Variants in KAT2B observed in about 807,000 individuals in gnomAD.
KAT2B encodes the protein histone acetyltransferase KAT2B.
KAT2B carries 36 observed loss-of-function variants against 105.9 expected under a neutral mutation model. The ratio of observed to expected loss-of-function variants is 0.34; its 90% CI spans 0.26 to 0.45. The LOEUF (loss-of-function observed/expected upper bound fraction) is 0.45, where lower values mean the gene tolerates loss of function less well. Ranked by LOEUF, KAT2B falls within the 20% of genes least tolerant of loss-of-function variation. KAT2B has a pLI of 1.00. For missense variants in KAT2B, 820 were observed against 1,021.6 expected, an observed-to-expected ratio of 0.80 and a Z score of 2.69; for synonymous variants, 397 against 377.9, an observed-to-expected ratio of 1.05 and a Z score of -0.59.
intron 7 of KAT2B, among the ~76,000 whole-genome samples, chr3:20,118,067 TTCTC>T (rs1699236029): frequency 6.6e-6 from 1 of 150,982 alleles, no homozygotes; most frequent in African/African-American, 2.4e-5. Flanking sequence ...TTATTACCCT[TTCTC>T]TATCCCTTCT....
At chr3:20,057,710 T>G (rs1219662713) in intron 1 of KAT2B, among the ~76,000 whole-genome samples, 1 of 152,142 alleles carries the variant, frequency 6.6e-6, no homozygotes, top group African/African-American at 2.4e-5. Flanking sequence ...TCCTGAGGCC[T>G]TTTCAGGGGT....
intron 2 of KAT2B, among the ~76,000 whole-genome samples, chr3:20,082,137 T>C (rs1698531286): frequency 6.6e-6 from 1 of 152,020 alleles, no homozygotes; most frequent in African/African-American, 2.4e-5. Context: ...TGGGTTCAAA[T>C]GATTCTCATG....
intron 1 of KAT2B, among the ~76,000 whole-genome samples, chr3:20,067,625 A>G (rs549448713): frequency 4.8e-4 from 73 of 152,288 alleles, no homozygotes; most frequent in Middle Eastern, 6.8e-3. Context: ...AAGCAAGCCC[A>G]TAGGAAGAAA....
chr3:20,108,871 C>T (rs1699070342), intron 5 of KAT2B, among the ~76,000 whole-genome samples: 2 of 152,178 alleles, frequency 1.3e-5, no homozygotes, highest in Non-Finnish European at 2.9e-5. Context: ...GCTGTACATT[C>T]TTTCTGAGAG....
chr3:20,088,388 G>T (rs1423519920), intron 2 of KAT2B, among the ~76,000 whole-genome samples: 1 of 152,102 alleles, frequency 6.6e-6, no homozygotes, highest in Admixed American at 6.5e-5. Context: ...GTGTGCAAGG[G>T]TTCCTTGTCC....
chr3:20,149,670 C>T (rs1699838731), intron 17 of KAT2B, among the ~76,000 whole-genome samples: 2 of 151,936 alleles, frequency 1.3e-5, no homozygotes, highest in Non-Finnish European at 2.9e-5. Flanking sequence ...GTAGCCTACA[C>T]CCTTTAAAGT....
At chr3:20,140,564 C>G (rs1312508106) in intron 13 of KAT2B, among the ~76,000 whole-genome samples, 200 bp downstream of exon 13, 1 of 152,188 alleles carries the variant, frequency 6.6e-6, no homozygotes, top group African/African-American at 2.4e-5. Context: ...GGCACTATCT[C>G]ACTGTAACCT....
intron 11 of KAT2B, among the ~76,000 whole-genome samples, chr3:20,127,858 G>A (rs1484141212): frequency 2.6e-5 from 4 of 152,170 alleles, no homozygotes; most frequent in Non-Finnish European, 4.4e-5. Context: ...TCCCTTGCAC[G>A]CATAGTTCAC....
intron 10 of KAT2B, 22 bp from the exon 11 acceptor site, chr3:20,127,401 T>C: frequency 6.2e-7 from 1 of 1,606,778 alleles, no homozygotes; most frequent in Non-Finnish European, 8.5e-7. Flanking sequence ...GGTAAAACTT[T>C]GACATAATCT....
In KAT2B at chr3:20,152,440, C is replaced by T; in HGVS notation, c.2414C>T (p.Pro805Leu). The T allele has an allele frequency of 6.2e-7, 1 of 1,613,456 alleles. No individual in the cohort carries two copies. Among genetic ancestry groups the T allele is most frequent in the Non-Finnish European group, 8.5e-7 (1 of 1,179,508 alleles). Residue 805 changes from proline to leucine, a missense_variant, in exon 18 of 18, where the codon CCT (proline) becomes CTT (leucine). Physicochemically the swap from Pro to Leu is moderately conservative, Grantham distance 98. Transcript: ENST00000263754. ...ACCAATTGCAAAGAGTACAACCCCC[C>T]TGAGAGTGAATACTACAAATGTGCC... is the stretch of plus-strand genomic sequence containing the variant. The part of the protein sequence containing the change: ...VFTNCKEYNP[P>L]ESEYYKCANI...
intron 12 of KAT2B, among the ~76,000 whole-genome samples, chr3:20,139,808 G>T (rs1699666750): frequency 6.6e-6 from 1 of 150,926 alleles, no homozygotes; most frequent in Non-Finnish European, 1.5e-5. Context: ...TTATTTTTTT[G>T]ACCATCTTTT....
intron 1 of KAT2B, among the ~76,000 whole-genome samples, chr3:20,062,404 TTA>T (rs1698151728): frequency 1.1e-5 from 1 of 91,606 alleles, no homozygotes; most frequent in Admixed American, 1.7e-4. Flanking sequence ...AAATTATATA[TTA>T]TATATTATAT....
chr3:20,096,432 A>T lies in KAT2B; in HGVS notation c.576+1024A>T, dbSNP rs28495406. The stretch of plus-strand genomic sequence containing the variant: ...CAAAACTTCAGGTTGCCAAAAATAG[A>T]TCTATAAAGGAGGCTGCCAGAAGGA... On this transcript the variant is annotated intron_variant, in intron 3 of 17. Transcript: ENST00000263754. Among the ~76,000 whole-genome samples, 285 of 152,192 alleles carry T rather than the reference A, an allele frequency of 1.9e-3. 1 individual carries two copies. The highest frequency in any genetic ancestry group is 5.9e-3 in the African/African-American group (245 of 41,526).
chr3:20,101,436 T>C lies in KAT2B; in HGVS notation c.819T>C (p.Asp273=), dbSNP rs762835780. Residue 273 remains aspartate, a synonymous_variant, in exon 5 of 18, where the codon GAT becomes GAC. Coordinates refer to ENST00000263754, the MANE Select transcript of KAT2B (RefSeq NM_003884.5). The stretch of plus-strand genomic sequence containing the variant: ...AACGAAGACTGCGATCTCCCAATGA[T>C]GATATTTCTGGATACAAAGAGAACT... ...PSQRRLRSPN[D]DISGYKENYT... is the part of the protein sequence containing the mutation. The C allele has an allele frequency of 6.2e-7, 1 of 1,614,110 alleles. No individual in the cohort carries two copies.
intron 9 of KAT2B, among the ~76,000 whole-genome samples, chr3:20,123,166 TTCTC>T (rs1559323572): frequency 6.6e-6 from 1 of 152,182 alleles, no homozygotes. Flanking sequence ...CTACCTCTCT[TTCTC>T]TCTGCGCCTC....
chr3:20,100,420 A>G (rs547208557), intron 4 of KAT2B, among the ~76,000 whole-genome samples: 1 of 152,338 alleles, frequency 6.6e-6, no homozygotes, highest in Non-Finnish European at 1.5e-5. Flanking sequence ...CTGCTACATT[A>G]TGATTCCTGG....
At chr3:20,111,849 G>A in intron 6 of KAT2B, 62 bp downstream of exon 6, 1 of 1,253,922 alleles carries the variant, frequency 8.0e-7, no homozygotes, top group Non-Finnish European at 1.1e-6. Flanking sequence ...TAAATACAAT[G>A]CCAAAGCCTG....
intron 17 of KAT2B, among the ~76,000 whole-genome samples, chr3:20,149,345 A>G (rs1699828878): frequency 6.8e-6 from 1 of 147,766 alleles, no homozygotes; most frequent in Non-Finnish European, 1.5e-5. Context: ...AAAAGTAAAA[A>G]ATTAGCCAGG....
At chr3:20,047,574 C>T (rs1028084646) in intron 1 of KAT2B, among the ~76,000 whole-genome samples, 19 of 151,114 alleles carry the variant, frequency 1.3e-4, no homozygotes, top group Admixed American at 1.1e-3. Context: ...TGACTTCTTC[C>T]ATCCCCGAAA....
Sources: allele counts gnomAD v4.1 joint callset (sites outside exome capture counted in the v4.1 genomes callset), GRCh38; gene constraint gnomAD v4.1.1; transcripts MANE v1.5; gene names NCBI Gene and HGNC (gene_info 2026-07-23, HGNC 2026-07-21).